Variants in ERLEC1 observed in about 807,000 individuals in gnomAD.
ERLEC1 encodes endoplasmic reticulum lectin 1, also known as ER lectin.
Under a neutral mutation model 68.0 loss-of-function variants are expected in ERLEC1, and 47 were observed. The ratio of observed to expected loss-of-function variants is 0.69; its 90% CI spans 0.55 to 0.88. ERLEC1 has a LOEUF of 0.88. Among genes scored for constraint, ERLEC1 ranks in the 40% least tolerant of loss-of-function variants. ERLEC1 has a pLI of 0.00. For missense variants in ERLEC1, 567 were observed against 583.8 expected (o/e 0.97, Z 0.30); for synonymous variants, 225 against 203.2 (o/e 1.11, Z -0.91).
intron 13 of ERLEC1, 50 bp downstream of exon 13, chr2:53,814,985 A>ATTTTTTTTCT (rs1676788166): frequency 5.2e-6 from 5 of 967,624 alleles, no homozygotes; most frequent in Admixed American, 2.8e-5. Flanking sequence ...CCATGTTTTA[A>ATTTTTTTTCT]TTTTTTTTTC....
chr2:53,787,558 C>G, intron 1 of ERLEC1, 186 bp downstream of exon 1: 1 of 594,602 alleles, frequency 1.7e-6, no homozygotes, highest in Non-Finnish European at 2.7e-6. Context: ...GGATGCGTCC[C>G]CCTTGCTGAG....
chr2:53,800,625 A>C (rs552462918), intron 6 of ERLEC1, among the ~76,000 whole-genome samples: 2 of 152,172 alleles, frequency 1.3e-5, no homozygotes, highest in African/African-American at 4.8e-5. Flanking sequence ...CCTGCCTCCA[A>C]AGAGCTTGTT....
intron 8 of ERLEC1, among the ~76,000 whole-genome samples, chr2:53,806,835 T>C (rs1221921672): frequency 1.3e-5 from 2 of 152,240 alleles, no homozygotes; most frequent in African/African-American, 2.4e-5. Flanking sequence ...GCACTCACTT[T>C]TTAAATTCAG....
At chr2:53,807,684 C>T (rs978237818) in intron 8 of ERLEC1, among the ~76,000 whole-genome samples, 1 of 152,142 alleles carries the variant, frequency 6.6e-6, no homozygotes, top group African/African-American at 2.4e-5. Context: ...GGACACAGAG[C>T]TTAGCAAGTA....
intron 10 of ERLEC1, among the ~76,000 whole-genome samples, chr2:53,810,662 A>G (rs1396350704): frequency 6.6e-6 from 1 of 152,236 alleles, no homozygotes; most frequent in Non-Finnish European, 1.5e-5. Flanking sequence ...TCAGATTCCA[A>G]GATAGATCAT....
At chr2:53,790,282 G>A (rs952411919) in intron 1 of ERLEC1, among the ~76,000 whole-genome samples, 1 of 151,960 alleles carries the variant, frequency 6.6e-6, no homozygotes, top group African/African-American at 2.4e-5. Flanking sequence ...ATTTTTAGTA[G>A]AGATGAGGTT....
chr2:53,812,510 G>GAAGA (rs932745749), intron 10 of ERLEC1, among the ~76,000 whole-genome samples: 17 of 152,288 alleles, frequency 1.1e-4, no homozygotes, highest in Admixed American at 7.2e-4. Flanking sequence ...GGCTGCAGTG[G>GAAGA]AAGAGATAGA....
At chr2:53,787,439 G>T in intron 1 of ERLEC1, 67 bp downstream of exon 1, 1 of 1,512,262 alleles carries the variant, frequency 6.6e-7, no homozygotes. Context: ...CTCTTCCCTC[G>T]GTTTTCTTTG....
rs958244464 is a variant in ERLEC1 at position 53,796,889 on chromosome 2, CTTTTTTTT to C, written c.349-613_349-606del. Reference sequence around the variant, plus strand: ...CAGTTCAAAATAAAGTTTTCTTTTTCTTTTTTTTTTTTTTTTTTTTGAGACAGAGTTTC... The same window carrying C: ...CAGTTCAAAATAAAGTTTTCTTTTTCTTTTTTTTTTTTGAGACAGAGTTTC... On this transcript the variant is annotated intron_variant, in intron 3 of 13. Transcript: ENST00000185150. Among the ~76,000 whole-genome samples, 754 of 117,236 alleles carry C rather than the reference CTTTTTTTT, an allele frequency of 6.4e-3. 7 individuals carry two copies. Among genetic ancestry groups the C allele is most frequent in the African/African-American group, 0.022 (716 of 31,832 alleles). The allele number at this position is 117,236 out of a possible 152,430, so 76.9% of individuals were successfully genotyped here.
intron 1 of ERLEC1, among the ~76,000 whole-genome samples, chr2:53,790,216 C>A (rs768667636): frequency 1.8e-4 from 28 of 151,626 alleles, no homozygotes; most frequent in Non-Finnish European, 2.9e-4. Flanking sequence ...TGCCCAGCCT[C>A]CCCAGTAGCT....
chr2:53,809,328 A>C, intron 10 of ERLEC1, 55 bp downstream of exon 10: 2 of 1,230,818 alleles, frequency 1.6e-6, no homozygotes, highest in African/African-American at 3.2e-5. Context: ...AAGTTTAAGA[A>C]TCTGTTGTAG....
rs1676633516 is a variant in ERLEC1, at chr2:53,812,305, A to C, written c.1102-644A>C. ...ATGAAGAAAGAAACCAAAGGAATGCAAGGAGGTAGGAAGGATAAGGAAGAA... is the reference window on the plus strand; with the variant it reads ...ATGAAGAAAGAAACCAAAGGAATGCCAGGAGGTAGGAAGGATAAGGAAGAA... On this transcript the variant is annotated intron_variant, in intron 10 of 13. Coordinates refer to ENST00000185150, the MANE Select transcript of ERLEC1 (RefSeq NM_015701.5). Among the ~76,000 whole-genome samples, 2 of 152,198 alleles carry C rather than the reference A, an allele frequency of 1.3e-5. 1 individual carries two copies. The highest frequency in any genetic ancestry group is 4.1e-4 in the South Asian group (2 of 4,836).
intron 13 of ERLEC1, 73 bp downstream of exon 13, chr2:53,815,008 TTTTTTTTTG>T: frequency 9.9e-7 from 1 of 1,008,148 alleles, no homozygotes; most frequent in South Asian, 1.6e-5. Flanking sequence ...TTTTTTTTTT[TTTTTTTTTG>T]TTTTTTTGAG....
At chr2:53,794,191 T>TA (rs1386167023) in intron 1 of ERLEC1, among the ~76,000 whole-genome samples, 154 bp from the exon 2 acceptor site, 1 of 152,188 alleles carries the variant, frequency 6.6e-6, no homozygotes, top group Non-Finnish European at 1.5e-5. Flanking sequence ...AAATTTTTGT[T>TA]AATGTTTGTA....
At position 53,804,791 on chromosome 2, in the gene ERLEC1, T is replaced by A. The variant is rs558933404; in HGVS notation, c.879+2949T>A. On this transcript the variant is annotated intron_variant, in intron 8 of 13. Coordinates refer to ENST00000185150, the MANE Select transcript of ERLEC1 (RefSeq NM_015701.5). ...TTTGTACCCATTAACCATCCCCACC[T>A]CCTTCACAACCTCCCACTACCCTTC... 7.2e-5 allele frequency among the ~76,000 whole-genome samples: 11 copies of A among 151,978 alleles called. 1 individual carries two copies. The highest frequency in any genetic ancestry group is 1.6e-4 in the Non-Finnish European group (11 of 67,988).
chr2:53,812,707 G>C (rs1453944660), intron 10 of ERLEC1, among the ~76,000 whole-genome samples: 1 of 152,054 alleles, frequency 6.6e-6, no homozygotes. Flanking sequence ...TAGAAGAGCC[G>C]AAAATAACTA....
At chr2:53,809,309 G>C (rs1431458960) in intron 10 of ERLEC1, 36 bp downstream of exon 10, 1 of 1,386,152 alleles carries the variant, frequency 7.2e-7, no homozygotes. Context: ...TCTACCACTA[G>C]ATGGTTTAAA....
At chr2:53,810,600 A>G (rs1168273563) in intron 10 of ERLEC1, among the ~76,000 whole-genome samples, 1 of 152,196 alleles carries the variant, frequency 6.6e-6, no homozygotes, top group Admixed American at 6.5e-5. Flanking sequence ...AGAAAATAAT[A>G]CCCAAAATAG....
chr2:53,816,728 CTT>C (rs1341932915), intron 13 of ERLEC1, among the ~76,000 whole-genome samples: 1 of 152,098 alleles, frequency 6.6e-6, no homozygotes, highest in Non-Finnish European at 1.5e-5. Context: ...CTTCTAAAGA[CTT>C]TATGGTTCTA....
Sources: allele counts gnomAD v4.1 joint callset (sites outside exome capture counted in the v4.1 genomes callset), GRCh38; gene constraint gnomAD v4.1.1; transcripts MANE v1.5; gene names NCBI Gene and HGNC (gene_info 2026-07-23, HGNC 2026-07-21).